PPWD1: variants seen among roughly 807,000 people sequenced by gnomAD.
PPWD1 encodes peptidylprolyl isomerase domain and WD repeat-containing protein 1.
Under a neutral mutation model 68.8 loss-of-function variants are expected in PPWD1, and 43 were observed. The ratio of observed to expected loss-of-function variants is 0.62; its 90% CI spans 0.49 to 0.81. The LOEUF (loss-of-function observed/expected upper bound fraction) is 0.81. Among genes scored for constraint, PPWD1 ranks in the 30% least tolerant of loss-of-function variants. PPWD1 has a pLI of 0.00. For synonymous variants in PPWD1, 232 were observed against 258.7 expected, an observed-to-expected ratio of 0.90 and a Z score of 0.99; for missense variants, 672 against 804.8, an observed-to-expected ratio of 0.83 and a Z score of 2.00.
intron 9 of PPWD1, among the ~76,000 whole-genome samples, chr5:65,585,518 A>G (rs1753799056): frequency 6.6e-6 from 1 of 152,054 alleles, no homozygotes; most frequent in Admixed American, 6.6e-5. Flanking sequence ...CAGCCCCTGG[A>G]TTTTGTTGAG....
rs1312799651 is a variant in PPWD1 at position 65,585,874 on chromosome 5, T to C, written c.1615-125T>C. The C allele has an allele frequency of 6.4e-6, 9 of 1,410,814 alleles. No individual in the cohort carries two copies. In the South Asian group the frequency reaches 1.4e-4, roughly 22 times the overall value. 87.4% of individuals were successfully genotyped at this position (1,410,814 alleles called of 1,614,324 possible). A position where few individuals can be genotyped will look rare whatever the true frequency, so the allele number is the denominator to read the frequency against. ...CCAAATTTAAGTGTTAAGGGTTTAA[T>C]CAAATCACTTTATAGTGACAGTTAA... On this transcript the variant is annotated intron_variant, in intron 9 of 10. Transcript: ENST00000261308.
intron 5 of PPWD1, among the ~76,000 whole-genome samples, chr5:65,574,974 G>C (rs1251731740): frequency 6.6e-6 from 1 of 152,190 alleles, no homozygotes; most frequent in Non-Finnish European, 1.5e-5. Flanking sequence ...TAAATGACTG[G>C]AATCTCAAGG....
chr5:65,569,505 G>A (rs1752922220), intron 2 of PPWD1, 127 bp from the exon 3 acceptor site: 14 of 1,153,178 alleles, frequency 1.2e-5, no homozygotes, highest in Non-Finnish European at 1.6e-5. Context: ...TCTGCTTAAA[G>A]AAGGGTTTTT....
rs1581169473 is a variant in PPWD1 at position 65,587,535 on chromosome 5, A to G, written c.*139A>G. 2.8e-6 allele frequency: 2 copies of G among 714,358 alleles called. No homozygotes were observed. The highest frequency in any genetic ancestry group is 3.4e-5 in the South Asian group (1 of 29,600). 44.3% of individuals were successfully genotyped at this position (714,358 alleles called of 1,614,324 possible). A position where few individuals can be genotyped will look rare whatever the true frequency, so the allele number is the denominator to read the frequency against. On this transcript the variant is annotated 3_prime_UTR_variant, in exon 11 of 11. Coordinates refer to ENST00000261308, the MANE Select transcript of PPWD1 (RefSeq NM_015342.4). ...ATTTTTGTATTTTTTATTAAAGGCTATTTTTTAAAAATTACCTTTGACTTT... is the reference window on the plus strand; with the variant it reads ...ATTTTTGTATTTTTTATTAAAGGCTGTTTTTTAAAAATTACCTTTGACTTT...
rs73762034 is a variant in PPWD1, at chr5:65,584,000, G to C, written c.1532+781G>C. Among the ~76,000 whole-genome samples the C allele has an allele frequency of 6.0e-3, 920 of 152,160 alleles. 9 individuals are homozygous for C. The highest frequency in any genetic ancestry group is 0.02 in the African/African-American group (839 of 41,516). ...CCGTAAGGGCTTCAATTGAAAAAAA[G>C]GTGAACAGTTTTCTGGACAGTTTAA... On this transcript the variant is annotated intron_variant, in intron 8 of 10. Transcript: ENST00000261308.
At chr5:65,580,220 C>G (rs1404324194) in intron 7 of PPWD1, among the ~76,000 whole-genome samples, 3 of 152,064 alleles carry the variant, frequency 2.0e-5, no homozygotes, top group African/African-American at 4.8e-5. Context: ...AGACCTATGC[C>G]CTTGCATTCT....
rs1034737447 is a variant in PPWD1, at chr5:65,576,486, C to G, written c.970-393C>G. 1.4e-5 allele frequency: 5 copies of G among 353,474 alleles called. No homozygotes were observed. The Admixed American group carries it at 2.0e-4, about 14-fold the overall frequency. The allele number at this position is 353,474 out of a possible 1,614,324, so 21.9% of individuals were successfully genotyped here. Reference sequence around the variant, plus strand: ...CTGCCTCCTAGGTTCAAGCGATTCTCTTGCCCCAGCCTCCCGAGTAGCTGG... The same window carrying G: ...CTGCCTCCTAGGTTCAAGCGATTCTGTTGCCCCAGCCTCCCGAGTAGCTGG... On this transcript the variant is annotated intron_variant, in intron 5 of 10. Coordinates refer to ENST00000261308, the MANE Select transcript of PPWD1 (RefSeq NM_015342.4).
intron 2 of PPWD1, 113 bp from the exon 3 acceptor site, chr5:65,569,518 TA>T (rs914484020): frequency 1.2e-4 from 144 of 1,186,892 alleles, no homozygotes; most frequent in Middle Eastern, 2.6e-4. Flanking sequence ...GGGTTTTTTT[TA>T]AAAAAAAACC....
intron 7 of PPWD1, among the ~76,000 whole-genome samples, chr5:65,580,860 G>A (rs1426736433): frequency 6.6e-6 from 1 of 152,076 alleles, no homozygotes; most frequent in African/African-American, 2.4e-5. Context: ...TGCCTGCTAT[G>A]TTTCTCTTAT....
intron 5 of PPWD1, among the ~76,000 whole-genome samples, chr5:65,575,704 G>C (rs1753250366): frequency 6.6e-6 from 1 of 152,164 alleles, no homozygotes; most frequent in Admixed American, 6.5e-5. Flanking sequence ...ATTGAGATGT[G>C]ATGCCTATCT....
intron 5 of PPWD1, among the ~76,000 whole-genome samples, chr5:65,573,561 G>T (rs1391463487): frequency 2.2e-5 from 1 of 45,254 alleles, no homozygotes; most frequent in Non-Finnish European, 4.2e-5. Flanking sequence ...TTTAAGTACA[G>T]ACGGGTTTCA....
chr5:65,568,992 G>A (rs994705903), intron 2 of PPWD1: 4 of 455,720 alleles, frequency 8.8e-6, no homozygotes, highest in African/African-American at 8.0e-5. Context: ...ATATGGACCT[G>A]AGGCAAGTAC....
At chr5:65,564,318 CTT>C (rs550753414) in intron 1 of PPWD1, among the ~76,000 whole-genome samples, 454 of 117,114 alleles carry the variant, frequency 3.9e-3, no homozygotes, top group African/African-American at 0.013. Flanking sequence ...TTTTCTCTCT[CTT>C]TTTTTTTTTT....
intron 4 of PPWD1, chr5:65,570,258 AAT>A: frequency 1.1e-6 from 1 of 920,360 alleles, no homozygotes; most frequent in Non-Finnish European, 1.3e-6. Context: ...ATTACTTAGT[AAT>A]ATTACTGGAG....
chr5:65,587,159 C>A, intron 10 of PPWD1, 94 bp from the exon 11 acceptor site: 2 of 1,316,584 alleles, frequency 1.5e-6, no homozygotes, highest in Non-Finnish European at 2.0e-6. Flanking sequence ...TAAAGGGGAG[C>A]GTAAACTTAA....
At chr5:65,563,713 C>G in intron 1 of PPWD1, 1 of 1,398,598 alleles carries the variant, frequency 7.2e-7, no homozygotes, top group Non-Finnish European at 9.8e-7. Flanking sequence ...TAATATCTAA[C>G]ACTTTTGATC....
At position 65,563,359 on chromosome 5, in the gene PPWD1, C is replaced by A; in HGVS notation, c.49C>A (p.Arg17=). 6.2e-7 allele frequency: 1 copy of A among 1,613,938 alleles called. No homozygotes were observed. Among genetic ancestry groups the A allele is most frequent in the African/African-American group, 1.3e-5 (1 of 74,966 alleles). Residue 17 remains arginine (R), a synonymous_variant, in exon 1 of 11, where the codon CGG becomes AGG. Transcript: ENST00000261308. ...SDFQQRRRRR[R]DPEEPEKTEL... ...TTTTCAGCAGAGACGTAGAAGGCGC[C>A]GGGACCCGGAGGAACCGGAAAAAAC...
chr5:65,568,504 G>A (rs1348380191), intron 2 of PPWD1, among the ~76,000 whole-genome samples: 1 of 152,066 alleles, frequency 6.6e-6, no homozygotes, highest in Non-Finnish European at 1.5e-5. Context: ...GAACCTGTGA[G>A]CAGGAGAGTA....
chr5:65,569,669 G>A lies in PPWD1; in HGVS notation c.337G>A (p.Val113Ile), dbSNP rs1752932544. The A allele has an allele frequency of 1.2e-6, 2 of 1,605,992 alleles. No individual in the cohort carries two copies. Among genetic ancestry groups the A allele is most frequent in the Middle Eastern group, 1.7e-4 (1 of 6,040 alleles). Residue 113 changes from valine (V) to isoleucine (I), a missense_variant, in exon 3 of 11, where the codon GTC becomes ATC. Physicochemically the swap from Val to Ile is conservative, Grantham distance 29. Around this residue, in one of 2 missense-constraint regions of PPWD1, gnomAD observed 188 missense variants for 158.6 expected, o/e 1.19. Transcript: ENST00000261308. ...FIITASHDGH[V>I]KFWKKIEEGI... ...TATTACTGCCAGTCATGATGGACAT[G>A]TCAAGTTCTGGAAAAAAATAGAAGA...
Sources: allele counts gnomAD v4.1 joint callset (sites outside exome capture counted in the v4.1 genomes callset), GRCh38; gene constraint gnomAD v4.1.1; regional missense constraint gnomAD v4.1.1; transcripts MANE v1.5; gene names NCBI Gene and HGNC (gene_info 2026-07-23, HGNC 2026-07-21).